Variants in ARHGAP10 observed in about 807,000 individuals in gnomAD.
ARHGAP10 encodes rho GTPase-activating protein 10.
In ARHGAP10, 87 loss-of-function variants were observed where a neutral mutation model predicts 108.6. The ratio of observed to expected loss-of-function variants is 0.80; its 90% CI spans 0.67 to 0.96. The LOEUF (loss-of-function observed/expected upper bound fraction) is 0.96, where lower values mean the gene tolerates loss of function less well. ARHGAP10 is among the 40% of genes least tolerant of loss of function. ARHGAP10 has a pLI of 0.00. For missense variants in ARHGAP10, 939 were observed against 954.5 expected (o/e 0.98, Z 0.21); for synonymous variants, 347 against 341.1 (o/e 1.02, Z -0.19).
chr4:148,025,739 AT>A (rs1211160260), intron 19 of ARHGAP10, among the ~76,000 whole-genome samples: 1 of 152,046 alleles, frequency 6.6e-6, no homozygotes, highest in African/African-American at 2.4e-5. Context: ...TTACGACTTA[AT>A]TTTTTTTAAA....
At chr4:148,031,027 C>A (rs1435689053) in intron 19 of ARHGAP10, among the ~76,000 whole-genome samples, 1 of 152,092 alleles carries the variant, frequency 6.6e-6, no homozygotes, top group Non-Finnish European at 1.5e-5. Flanking sequence ...CCACTGCACT[C>A]CAGCCTGGGT....
At chr4:147,818,164 CTTTTT>C (rs563096646) in intron 1 of ARHGAP10, among the ~76,000 whole-genome samples, 3 of 138,202 alleles carry the variant, frequency 2.2e-5, no homozygotes, top group Admixed American at 2.2e-4. Flanking sequence ...TCTTCTTTTT[CTTTTT>C]TTTTTTTTTA....
At chr4:148,039,774 T>C (rs1047241995) in intron 19 of ARHGAP10, among the ~76,000 whole-genome samples, 4 of 152,192 alleles carry the variant, frequency 2.6e-5, no homozygotes, top group African/African-American at 9.7e-5. Flanking sequence ...TTTTCCTTAC[T>C]CCTCTGTTTG....
chr4:147,835,491 G>T lies in ARHGAP10; in HGVS notation c.313-11660G>T, dbSNP rs559716786. Among the ~76,000 whole-genome samples, 68 of 151,298 alleles carry T rather than the reference G, an allele frequency of 4.5e-4. No individual in the cohort carries two copies. The South Asian group carries it at 0.013, about 30-fold the overall frequency. ...AGGTTCCAGAGATTTTCCTGCCTCA[G>T]TCTCCCTGAGTAGCTGGGGTTACAG... On this transcript the variant is annotated intron_variant, in intron 3 of 22. Transcript: ENST00000336498.
At chr4:147,937,792 C>G (rs566141551) in intron 13 of ARHGAP10, among the ~76,000 whole-genome samples, 117 of 152,280 alleles carry the variant, frequency 7.7e-4, no homozygotes, top group African/African-American at 2.3e-3. Flanking sequence ...TGAGCCTGAC[C>G]AACATGGTGA....
chr4:147,920,110 C>T (rs890566225), intron 13 of ARHGAP10, among the ~76,000 whole-genome samples: 13 of 147,034 alleles, frequency 8.8e-5, no homozygotes, highest in African/African-American at 3.2e-4. Flanking sequence ...TTTCTCTGAA[C>T]GTCTTTTAAA....
intron 1 of ARHGAP10, among the ~76,000 whole-genome samples, chr4:147,805,934 T>A (rs1362988467): frequency 1.3e-5 from 2 of 152,174 alleles, no homozygotes; most frequent in African/African-American, 4.8e-5. Context: ...TGTCTCAAAT[T>A]TAAGATTATT....
intron 18 of ARHGAP10, among the ~76,000 whole-genome samples, chr4:147,973,383 T>C (rs1739482486): frequency 6.6e-6 from 1 of 151,800 alleles, no homozygotes; most frequent in South Asian, 2.1e-4. Context: ...ATTGAGTCTA[T>C]TATTTATTTT....
intron 13 of ARHGAP10, 76 bp from the exon 14 acceptor site, chr4:147,939,749 T>G (rs993082570): frequency 1.5e-6 from 2 of 1,306,792 alleles, no homozygotes; most frequent in Non-Finnish European, 2.2e-6. Flanking sequence ...TTAGCAAAGA[T>G]TTTGAATGCA....
intron 1 of ARHGAP10, among the ~76,000 whole-genome samples, chr4:147,764,847 ATTAAG>A (rs1350763517): frequency 1.3e-5 from 2 of 152,180 alleles, no homozygotes; most frequent in Admixed American, 6.5e-5. Flanking sequence ...GTAAACATTT[ATTAAG>A]TGTGTTTTAT....
intron 1 of ARHGAP10, among the ~76,000 whole-genome samples, chr4:147,787,491 T>C (rs1280986482): frequency 6.6e-6 from 1 of 151,850 alleles, no homozygotes; most frequent in Non-Finnish European, 1.5e-5. Context: ...CTTGCCAGAC[T>C]GTGGAAGGCT....
Position 147,806,973 on chromosome 4 carries a change from G to A in ARHGAP10, c.155-15754G>A, listed in dbSNP as rs78174941. Among the ~76,000 whole-genome samples, 249 of 152,288 alleles carry A rather than the reference G, an allele frequency of 1.6e-3. 4 individuals carry two copies. The East Asian group carries it at 0.024, about 15-fold the overall frequency. ...TTGGTTTTCCAAGTCTCTAGTAAGC[G>A]TGAAACCCGGTGAAAGGATGCTACG... On this transcript the variant is annotated intron_variant, in intron 1 of 22. Transcript: ENST00000336498.
chr4:147,783,047 A>G (rs1730616139), intron 1 of ARHGAP10, among the ~76,000 whole-genome samples: 1 of 141,702 alleles, frequency 7.1e-6, no homozygotes, highest in South Asian at 2.1e-4. Flanking sequence ...ATTATATACT[A>G]TATGTTAAAT....
intron 19 of ARHGAP10, among the ~76,000 whole-genome samples, chr4:148,035,698 A>C (rs1485298150): frequency 6.6e-6 from 1 of 152,194 alleles, no homozygotes; most frequent in Non-Finnish European, 1.5e-5. Context: ...AAGCTCTACC[A>C]TGCGGCAGTT....
chr4:148,016,016 G>A (rs994339688), intron 18 of ARHGAP10, among the ~76,000 whole-genome samples: 1 of 152,280 alleles, frequency 6.6e-6, no homozygotes, highest in African/African-American at 2.4e-5. Flanking sequence ...GGAACACATT[G>A]GTCAAGACAT....
chr4:147,757,740 T>C (rs112496106), intron 1 of ARHGAP10, among the ~76,000 whole-genome samples: 4 of 152,316 alleles, frequency 2.6e-5, no homozygotes, highest in African/African-American at 9.6e-5. Context: ...TCAGTCACCT[T>C]CCTAAGAGAA....
intron 13 of ARHGAP10, among the ~76,000 whole-genome samples, chr4:147,922,548 C>G (rs1381666517): frequency 6.6e-6 from 1 of 151,104 alleles, no homozygotes; most frequent in African/African-American, 2.4e-5. Flanking sequence ...AATAGCCGGG[C>G]GTAGTGGCGG....
chr4:147,842,587 G>A (rs1267168343), intron 3 of ARHGAP10, among the ~76,000 whole-genome samples: 1 of 152,074 alleles, frequency 6.6e-6, no homozygotes, highest in Non-Finnish European at 1.5e-5. Flanking sequence ...AGCTGCTTAG[G>A]TTCCATGCCC....
chr4:147,870,008 G>C (rs9999132), intron 7 of ARHGAP10, among the ~76,000 whole-genome samples: 13,445 of 51,872 alleles, frequency 0.26, 1,101 homozygotes, highest in Middle Eastern at 0.33. Context: ...TTGTGTGTGT[G>C]TGTGTGTGTG....
Sources: gnomAD v4.1 joint callset for allele counts (sites outside exome capture counted in the v4.1 genomes callset) on GRCh38, gnomAD v4.1.1 for gene constraint, MANE v1.5 for transcripts, NCBI Gene and HGNC (gene_info 2026-07-23, HGNC 2026-07-21) for gene names.